The following RMST variants were observed in gnomAD, a reference collection of about 807,000 sequenced individuals.
RMST encodes the protein rhabdomyosarcoma 2 associated transcript, also known as long intergenic non-protein coding RNA 54.
intron 10 of RMST, among the ~76,000 whole-genome samples, chr12:97,521,168 C>T (rs928834822): frequency 6.6e-6 from 1 of 152,086 alleles, no homozygotes; most frequent in Non-Finnish European, 1.5e-5. Flanking sequence ...TATGAGTGAC[C>T]TTTGATATTC....
chr12:97,527,253 T>C (rs1881205767), intron 10 of RMST, among the ~76,000 whole-genome samples: 1 of 152,170 alleles, frequency 6.6e-6, no homozygotes, highest in South Asian at 2.1e-4. Flanking sequence ...GCCGTGTGGA[T>C]CCAGAATGCA....
chr12:97,546,314 G>A (rs1432875403), intron 11 of RMST, among the ~76,000 whole-genome samples: 1 of 152,128 alleles, frequency 6.6e-6, no homozygotes, highest in Non-Finnish European at 1.5e-5. Context: ...GGGTGTGGTG[G>A]CTTACACCTG....
chr12:97,530,571 T>C (rs1263875198), intron 10 of RMST: 3 of 152,076 alleles, frequency 2.0e-5, no homozygotes, highest in African/African-American at 7.2e-5. Context: ...AGGAATAGAA[T>C]CTGTGACACG....
At chr12:97,501,095 C>A (rs1377872577) in intron 10 of RMST, among the ~76,000 whole-genome samples, 1 of 152,156 alleles carries the variant, frequency 6.6e-6, no homozygotes, top group African/African-American at 2.4e-5. Flanking sequence ...ACAGACAAGG[C>A]TTTGAGGAGC....
intron 11 of RMST, among the ~76,000 whole-genome samples, chr12:97,539,520 G>A (rs1196426758): frequency 6.6e-6 from 1 of 151,488 alleles, no homozygotes; most frequent in Non-Finnish European, 1.5e-5. Context: ...TGCTTTTACA[G>A]CACAGACAAA....
intron 8 of RMST, among the ~76,000 whole-genome samples, chr12:97,494,165 A>T (rs778557586): frequency 2.0e-5 from 3 of 152,204 alleles, no homozygotes; most frequent in Non-Finnish European, 4.4e-5. Context: ...ATCTGTCCCC[A>T]GGTAGCATTT....
At chr12:97,522,399 T>C (rs1450107988) in intron 10 of RMST, among the ~76,000 whole-genome samples, 1 of 152,184 alleles carries the variant, frequency 6.6e-6, no homozygotes, top group African/African-American at 2.4e-5. Context: ...TCAGAAACAG[T>C]AGGAGAGAAA....
At chr12:97,499,389 T>C (rs1440017277) in intron 10 of RMST, among the ~76,000 whole-genome samples, 1 of 152,190 alleles carries the variant, frequency 6.6e-6, no homozygotes, top group Admixed American at 6.5e-5. Flanking sequence ...TTTTAAAATG[T>C]AACTTGTTTT....
At chr12:97,552,773 C>A (rs529234532) in intron 11 of RMST, among the ~76,000 whole-genome samples, 2 of 152,318 alleles carry the variant, frequency 1.3e-5, no homozygotes, top group East Asian at 3.9e-4. Context: ...AGAAATGCAA[C>A]CCAGCTACTT....
At chr12:97,527,241 G>A (rs560493002) in intron 10 of RMST, among the ~76,000 whole-genome samples, 221 of 152,294 alleles carry the variant, frequency 1.5e-3, no homozygotes, top group African/African-American at 5.0e-3. Context: ...TAGCAGAGAG[G>A]AGCCGTGTGG....
chr12:97,480,089 C>CTTTTT (rs369247317), intron 5 of RMST, among the ~76,000 whole-genome samples: 6 of 90,992 alleles, frequency 6.6e-5, no homozygotes, highest in African/African-American at 2.3e-4. Flanking sequence ...TTTCTTTTTT[C>CTTTTT]TTTTTTTTTC....
At chr12:97,524,173 T>C (rs1880858381) in intron 10 of RMST, among the ~76,000 whole-genome samples, 1 of 151,360 alleles carries the variant, frequency 6.6e-6, no homozygotes, top group South Asian at 2.1e-4. Flanking sequence ...GTAACATCCG[T>C]GGTGGAATAT....
At chr12:97,514,667 G>GT (rs201789963) in intron 10 of RMST, among the ~76,000 whole-genome samples, 185 of 143,962 alleles carry the variant, frequency 1.3e-3, no homozygotes, top group East Asian at 9.0e-3. Context: ...AAAGTATATT[G>GT]TTTTTTTTTT....
At chr12:97,476,741 CA>C (rs979610442) in intron 5 of RMST, among the ~76,000 whole-genome samples, 2 of 151,998 alleles carry the variant, frequency 1.3e-5, no homozygotes, top group African/African-American at 4.8e-5. Context: ...GACAGTACTC[CA>C]AAAGGCTGAT....
At chr12:97,465,779 TC>T (rs1376397514) in intron 5 of RMST, 1 of 152,194 alleles carries the variant, frequency 6.6e-6, no homozygotes, top group Non-Finnish European at 1.5e-5. Context: ...TTCCTCTACT[TC>T]TTGCCAGTAG....
rs117291025 is a variant in RMST, at chr12:97,542,728, G to C, written n.1545+11869G>C. Among the ~76,000 whole-genome samples the C allele has an allele frequency of 4.1e-4, 63 of 152,098 alleles. 1 individual carries two copies. In the East Asian group the frequency reaches 9.7e-3, roughly 23 times the overall value. On this transcript the variant is annotated intron_variant and non_coding_transcript_variant, in intron 11 of 13. Coordinates refer to ENST00000640149, the Ensembl canonical transcript of RMST. ...TTGACATGGGGTTGTTGCCTTTTCA[G>C]ATAGCACGCATGGCAGAGTTTCGGT... is the stretch of plus-strand genomic sequence containing the variant.
At chr12:97,464,532 T>C (rs894074194) in intron 4 of RMST, among the ~76,000 whole-genome samples, 4 of 152,240 alleles carry the variant, frequency 2.6e-5, no homozygotes, top group Non-Finnish European at 4.4e-5. Context: ...GAATGTTATT[T>C]ATTTGATGTG....
chr12:97,558,269 T>G (rs1883847828), intron 11 of RMST, among the ~76,000 whole-genome samples: 1 of 152,144 alleles, frequency 6.6e-6, no homozygotes, highest in Admixed American at 6.6e-5. Flanking sequence ...ATTTAATTAT[T>G]TTGGAAGTTT....
intron 10 of RMST, among the ~76,000 whole-genome samples, chr12:97,506,872 C>G (rs998053794): frequency 5.3e-5 from 8 of 151,584 alleles, no homozygotes; most frequent in African/African-American, 1.9e-4. Context: ...TTAGTAGAGA[C>G]GGGGTTTAAC....
Sources: allele counts gnomAD v4.1 joint callset (sites outside exome capture counted in the v4.1 genomes callset), GRCh38; gene constraint gnomAD v4.1.1; transcripts MANE v1.5; gene names NCBI Gene and HGNC (gene_info 2026-07-23, HGNC 2026-07-21).